Variants in BACH1 observed in about 807,000 individuals in gnomAD.
BACH1 encodes BTB domain and CNC homolog 1.
A neutral mutation model predicts 52.9 loss-of-function variants in BACH1; 35 were observed. The observed-to-expected ratio is 0.66, with a 90% confidence interval of 0.51 to 0.88. The LOEUF (loss-of-function observed/expected upper bound fraction) is 0.88, where lower values mean the gene tolerates loss of function less well. BACH1 is among the 40% of genes least tolerant of loss of function. The pLI, the probability that BACH1 is intolerant of heterozygous loss-of-function variation, is 0.00. For synonymous variants in BACH1, 321 were observed against 319.6 expected (o/e 1.00, Z -0.05); for missense variants, 808 against 872.6 (o/e 0.93, Z 0.93).
At chr21:29,340,551 G>A (rs1601367277) in intron 4 of BACH1, among the ~76,000 whole-genome samples, 1 of 152,300 alleles carries the variant, frequency 6.6e-6, no homozygotes, top group East Asian at 1.9e-4. Context: ...ATTTCTGGGA[G>A]GAAGCTCAAG....
chr21:29,349,959 C>T (rs909473531), downstream of BACH1, among the ~76,000 whole-genome samples: 20 of 152,088 alleles, frequency 1.3e-4, no homozygotes, highest in Admixed American at 1.3e-3. Context: ...GAAGTCCTTG[C>T]GCCTTTCACT....
chr21:29,353,386 G>T (rs938733131), intron 2 of BACH1, among the ~76,000 whole-genome samples: 4 of 138,632 alleles, frequency 2.9e-5, no homozygotes, highest in African/African-American at 7.4e-5. Context: ...AGCTTTCATC[G>T]TCTTGTATAG....
intron 2 of BACH1, among the ~76,000 whole-genome samples, chr21:29,351,454 A>G (rs1429932212): frequency 6.6e-6 from 1 of 152,206 alleles, no homozygotes; most frequent in East Asian, 1.9e-4. Context: ...GCTTTGATTT[A>G]AATGATAGCC....
chr21:29,299,767 A>G (rs912892752), intron 1 of BACH1: 2 of 152,200 alleles, frequency 1.3e-5, no homozygotes, highest in Admixed American at 1.3e-4. Context: ...GATTCCAGGT[A>G]AAGTGTAGTA....
At chr21:29,327,824 AT>A (rs1447132406) in intron 3 of BACH1, among the ~76,000 whole-genome samples, 1 of 152,194 alleles carries the variant, frequency 6.6e-6, no homozygotes, top group Non-Finnish European at 1.5e-5. Flanking sequence ...GTCTCAAAAA[AT>A]TTTTTAAAAA....
chr21:29,307,469 C>T (rs1278848280), intron 1 of BACH1, among the ~76,000 whole-genome samples: 1 of 152,060 alleles, frequency 6.6e-6, no homozygotes, highest in Non-Finnish European at 1.5e-5. Flanking sequence ...TTTTGAAATA[C>T]AGTAGGATCC....
intron 3 of BACH1, 57 bp downstream of exon 3, chr21:29,327,450 T>TAACCATTAA (rs2088927191): frequency 5.1e-6 from 8 of 1,553,958 alleles, no homozygotes; most frequent in Non-Finnish European, 6.9e-6. Flanking sequence ...TGGGATTTAC[T>TAACCATTAA]GTGGATCAGC....
At chr21:29,330,055 C>T (rs1027886534) in intron 4 of BACH1, among the ~76,000 whole-genome samples, 2 of 151,790 alleles carry the variant, frequency 1.3e-5, no homozygotes, top group African/African-American at 4.8e-5. Context: ...AAAACCAGAC[C>T]AACCAGGATC....
intron 1 of BACH1, among the ~76,000 whole-genome samples, chr21:29,300,484 T>C (rs931105241): frequency 7.2e-5 from 11 of 151,988 alleles, no homozygotes; most frequent in African/African-American, 2.7e-4. Flanking sequence ...GTGGGTGAAG[T>C]GGAAGAGCAC....
chr21:29,353,532 G>GT (rs770153060), intron 2 of BACH1, among the ~76,000 whole-genome samples: 8 of 152,136 alleles, frequency 5.3e-5, no homozygotes, highest in Non-Finnish European at 8.8e-5. Flanking sequence ...CTCCTTTGCA[G>GT]CATTTGAGAA....
rs201123063 is a variant in BACH1 at position 29,311,919 on chromosome 21, G to GA, written c.-60-9296dup. ...TCATTATTTGTCTATTCTAAAAGTT[G>GA]AAAAAAGTCACAGAGATGTAAAGTG... is the stretch of plus-strand genomic sequence containing the variant. On this transcript the variant is annotated intron_variant, in intron 1 of 4. Coordinates refer to ENST00000286800, the MANE Select transcript of BACH1 (RefSeq NM_001186.4). Among the ~76,000 whole-genome samples, 214 of 152,256 alleles carry GA rather than the reference G, an allele frequency of 1.4e-3. 1 individual carries two copies. In the East Asian group the frequency reaches 0.035, roughly 25 times the overall value.
intron 2 of BACH1, among the ~76,000 whole-genome samples, chr21:29,357,413 T>C (rs924983951): frequency 6.6e-6 from 1 of 152,192 alleles, no homozygotes; most frequent in African/African-American, 2.4e-5. Flanking sequence ...CCCCATCCTC[T>C]GGGAGAAAAG....
intron 2 of BACH1, among the ~76,000 whole-genome samples, chr21:29,358,457 G>A (rs184591382): frequency 6.0e-4 from 91 of 152,246 alleles, no homozygotes; most frequent in Non-Finnish European, 1.0e-3. Context: ...AATATAAAAA[G>A]TGGGCTGGGC....
chr21:29,319,814 T>A (rs2088828480), intron 1 of BACH1, among the ~76,000 whole-genome samples: 1 of 151,068 alleles, frequency 6.6e-6, no homozygotes, highest in South Asian at 2.1e-4. Flanking sequence ...GGTATAGTCT[T>A]GAAGAAAGAA....
rs906447503 is a variant in BACH1, at chr21:29,342,322, A to G, written c.1777-77A>G. ...ATCTTACTTGATGAGAAGCCCCTGT[A>G]TATTATTTGATCGCCTTGGAAATGT... is the stretch of plus-strand genomic sequence containing the variant. On this transcript the variant is annotated intron_variant, in intron 4 of 4. Coordinates refer to ENST00000286800, the MANE Select transcript of BACH1 (RefSeq NM_001186.4). 10 of 1,368,064 alleles carry G rather than the reference A, an allele frequency of 7.3e-6. No homozygotes were observed. The African/African-American group carries it at 1.0e-4, about 14-fold the overall frequency. 84.7% of individuals were successfully genotyped at this position (1,368,064 alleles called of 1,614,324 possible). A position where few individuals can be genotyped will look rare whatever the true frequency, so the allele number is the denominator to read the frequency against.
intron 4 of BACH1, among the ~76,000 whole-genome samples, chr21:29,340,759 A>C (rs912926122): frequency 6.6e-6 from 1 of 152,134 alleles, no homozygotes; most frequent in African/African-American, 2.4e-5. Context: ...GGCTTCTGAG[A>C]GACCATAAAA....
At chr21:29,360,743 G>A (rs1331942526) in intron 2 of BACH1, among the ~76,000 whole-genome samples, 1 of 151,560 alleles carries the variant, frequency 6.6e-6, no homozygotes, top group Admixed American at 6.6e-5. Context: ...TACTCAGGAG[G>A]CTGAGACAGG....
chr21:29,338,575 C>T (rs561774019), intron 4 of BACH1, among the ~76,000 whole-genome samples: 48 of 152,106 alleles, frequency 3.2e-4, no homozygotes, highest in African/African-American at 1.1e-3. Context: ...GCTGTGTTGC[C>T]CAGGCTCCTC....
At chr21:29,316,054 A>G (rs750779744) in intron 1 of BACH1, among the ~76,000 whole-genome samples, 1 of 152,188 alleles carries the variant, frequency 6.6e-6, no homozygotes, top group Non-Finnish European at 1.5e-5. Context: ...CATATAATCT[A>G]TTGAAACTTG....
Sources: gnomAD v4.1 joint callset for allele counts (sites outside exome capture counted in the v4.1 genomes callset) on GRCh38, gnomAD v4.1.1 for gene constraint, MANE v1.5 for transcripts, NCBI Gene and HGNC (gene_info 2026-07-23, HGNC 2026-07-21) for gene names.